Variants in NDUFAF7 observed in about 807,000 individuals in gnomAD.
The protein encoded by NDUFAF7 is protein arginine methyltransferase NDUFAF7, mitochondrial.
Under a neutral mutation model 47.2 loss-of-function variants are expected in NDUFAF7, and 48 were observed. The ratio of observed to expected loss-of-function variants is 1.02; its 90% confidence interval spans 0.81 to 1.29. The LOEUF (loss-of-function observed/expected upper bound fraction) is 1.29, where lower values mean the gene tolerates loss of function less well. Among genes scored for constraint, NDUFAF7 ranks in the 50% most tolerant of loss-of-function variants. The probability of loss-of-function intolerance (pLI) is 0.00; values close to 1 mark genes in which losing one functional copy is unlikely to be tolerated. For synonymous variants in NDUFAF7, 217 were observed against 190.0 expected (o/e 1.14, Z -1.17); for missense variants, 635 against 537.6 (o/e 1.18, Z -1.79).
chr2:37,235,313 A>G lies in NDUFAF7; in HGVS notation c.217-783A>G, dbSNP rs540683433. Among the ~76,000 whole-genome samples, 9 of 152,334 alleles carry G rather than the reference A, an allele frequency of 5.9e-5. No individual in the cohort carries two copies. The East Asian group carries it at 1.2e-3, about 20-fold the overall frequency. On this transcript the variant is annotated intron_variant, in intron 2 of 9. Coordinates refer to ENST00000002125, the MANE Select transcript of NDUFAF7 (RefSeq NM_144736.5). Reference sequence around the variant, plus strand: ...ATATAATATTCATATAGAAAAGTTCATAAACCACAAGTTTACAGCTCAATG... The same window carrying G: ...ATATAATATTCATATAGAAAAGTTCGTAAACCACAAGTTTACAGCTCAATG...
rs1349424864 is a variant in NDUFAF7 at position 37,243,968 on chromosome 2, A to C, written c.787A>C (p.Ile263Leu). ...TTCTGCCACCCCAGCAGAAGCCTTC[A>C]TACAAGTAAGAATATGCTTTTTTAA... ...APSATPAEAF[I>L]QHDETRDHVE... The change falls in exon 7 of 10, where the codon ATA (isoleucine) becomes CTA (leucine). Residue 263 changes from isoleucine (I) to leucine (L), a missense_variant. By Grantham distance (5) the Ile-to-Leu change is conservative (BLOSUM62 2). Coordinates refer to ENST00000002125, the MANE Select transcript of NDUFAF7 (RefSeq NM_144736.5). 1 of 1,607,700 alleles carries C rather than the reference A, an allele frequency of 6.2e-7. No homozygotes were observed. The highest frequency in any genetic ancestry group is 8.5e-7 in the Non-Finnish European group (1 of 1,174,430).
downstream of NDUFAF7, chr2:37,256,949 G>A (rs762897503): frequency 6.2e-7 from 1 of 1,613,248 alleles, no homozygotes; most frequent in South Asian, 1.1e-5. Context: ...GAAGGATGAT[G>A]TTAATTTTGT....
intron 2 of NDUFAF7, among the ~76,000 whole-genome samples, chr2:37,232,885 T>C (rs1220294333): frequency 6.6e-6 from 1 of 152,200 alleles, no homozygotes; most frequent in African/African-American, 2.4e-5. Context: ...TAGTCCTTTA[T>C]TTTAGAATAT....
At chr2:37,239,383 T>C in intron 4 of NDUFAF7, among the ~76,000 whole-genome samples, 1 of 152,160 alleles carries the variant, frequency 6.6e-6, no homozygotes, top group Non-Finnish European at 1.5e-5. Context: ...CCTCCCAGAG[T>C]GCTGGGATTA....
chr2:37,251,488 G>T (rs1667488799), downstream of NDUFAF7: 1 of 152,632 alleles, frequency 6.6e-6, no homozygotes, highest in Middle Eastern at 3.4e-3. Context: ...AAACATAAAA[G>T]AACTTAGAAC....
chr2:37,249,521 G>A (rs1487597540), downstream of NDUFAF7, among the ~76,000 whole-genome samples: 3 of 151,006 alleles, frequency 2.0e-5, no homozygotes, highest in East Asian at 1.9e-4. Flanking sequence ...AGGTTGCAGT[G>A]AGGGGAGATT....
At chr2:37,260,455 A>G in the NDUFAF7 span, 3 of 1,367,376 alleles carry the variant, frequency 2.2e-6, no homozygotes, top group Non-Finnish European at 1.0e-6. Context: ...TAGATGTGCT[A>G]TGATTGTCTG....
chr2:37,240,795 GTCAGACCTGT>G (rs1371383482), intron 4 of NDUFAF7, among the ~76,000 whole-genome samples: 2 of 152,150 alleles, frequency 1.3e-5, no homozygotes, highest in Non-Finnish European at 2.9e-5. Context: ...CCAGAGAAGT[GTCAGACCTGT>G]TTTATTTTTG....
At position 37,248,496 on chromosome 2, in the gene NDUFAF7, A is replaced by G. The variant is rs1667162768; in HGVS notation, c.*146A>G. The G allele has an allele frequency of 1.2e-6, 1 of 806,460 alleles. No homozygotes were observed. The highest frequency in any genetic ancestry group is 1.5e-5 in the South Asian group (1 of 68,448). The allele number at this position is 806,460 out of a possible 1,614,324, so 50.0% of individuals were successfully genotyped here. ...CCATGTTGTATATAATACAACCAAC[A>G]TTATAGAACTTTTAGGGTTGTGACT... On this transcript the variant is annotated 3_prime_UTR_variant, in exon 10 of 10. Transcript: ENST00000002125.
At position 37,236,077 on chromosome 2, in the gene NDUFAF7, A is replaced by G. The variant is rs2148395004; in HGVS notation, c.217-19A>G. 6 of 1,592,654 alleles carry G rather than the reference A, an allele frequency of 3.8e-6. No homozygotes were observed. Among genetic ancestry groups the G allele is most frequent in the Admixed American group, 1.7e-5 (1 of 59,898 alleles). The stretch of plus-strand genomic sequence containing the variant: ...ATTTGAAAATTAATTTTGTTTCTCT[A>G]TTTTCTCTTTTTACTCAGGGTTATT... On this transcript the variant is annotated intron_variant, in intron 2 of 9. Coordinates refer to ENST00000002125, the MANE Select transcript of NDUFAF7 (RefSeq NM_144736.5).
chr2:37,237,205 G>A (rs952714572), intron 3 of NDUFAF7, among the ~76,000 whole-genome samples: 1 of 152,100 alleles, frequency 6.6e-6, no homozygotes, highest in Non-Finnish European at 1.5e-5. Context: ...CCCGACCTCA[G>A]GTGGTCCACC....
the NDUFAF7 span, among the ~76,000 whole-genome samples, chr2:37,258,692 G>C: frequency 8.5e-4 from 130 of 152,130 alleles, 1 homozygote; most frequent in African/African-American, 2.9e-3. Context: ...AAAATGATAG[G>C]GAATCACTTT....
the NDUFAF7 span, among the ~76,000 whole-genome samples, chr2:37,270,287 AAAAAATT>A: frequency 6.6e-6 from 1 of 152,058 alleles, no homozygotes; most frequent in African/African-American, 2.4e-5. Context: ...ATCTACCTAA[AAAAAATT>A]AAAAATGAAA....
rs747186021 is a variant in NDUFAF7 at position 37,246,099 on chromosome 2, TATC to T, written c.844_846del (p.Ile282del). On this transcript the variant is annotated inframe_deletion, in exon 8 of 10. Coordinates refer to ENST00000002125, the MANE Select transcript of NDUFAF7 (RefSeq NM_144736.5). ...TTGAAGTGTGTCCTGATGCTGGTGT[TATC>T]ATCGAGGAACTTTCTCAACGCATTG... 6.2e-7 allele frequency: 1 copy of T among 1,613,970 alleles called. No individual in the cohort carries two copies. Among genetic ancestry groups the T allele is most frequent in the South Asian group, 1.1e-5 (1 of 91,082 alleles).
the NDUFAF7 span, chr2:37,260,198 TAAAAA>T: frequency 8.4e-7 from 1 of 1,185,910 alleles, no homozygotes. Context: ...ATCGCTAGTT[TAAAAA>T]AAAAAAGGAG....
the NDUFAF7 span, among the ~76,000 whole-genome samples, chr2:37,261,339 T>C: frequency 5.3e-5 from 8 of 151,570 alleles, no homozygotes; most frequent in African/African-American, 1.7e-4. Flanking sequence ...ATACAAAAAC[T>C]AACCAGGTGT....
At chr2:37,240,580 T>A (rs890493055) in intron 4 of NDUFAF7, among the ~76,000 whole-genome samples, 1 of 152,072 alleles carries the variant, frequency 6.6e-6, no homozygotes, top group Non-Finnish European at 1.5e-5. Flanking sequence ...AATCACGAAT[T>A]TAAATTTCCA....
chr2:37,259,086 CAG>C, the NDUFAF7 span, among the ~76,000 whole-genome samples: 1 of 151,376 alleles, frequency 6.6e-6, no homozygotes, highest in Non-Finnish European at 1.5e-5. Flanking sequence ...TAAGAAAAAT[CAG>C]AGAGTGCTAC....
intron 7 of NDUFAF7, among the ~76,000 whole-genome samples, chr2:37,244,729 A>C (rs1239169843): frequency 6.6e-6 from 1 of 152,176 alleles, no homozygotes; most frequent in African/African-American, 2.4e-5. Flanking sequence ...AAGAGCTTTT[A>C]AACTTAAATG....
Sources: gnomAD v4.1 joint callset for allele counts (sites outside exome capture counted in the v4.1 genomes callset) on GRCh38, gnomAD v4.1.1 for gene constraint, MANE v1.5 for transcripts, NCBI Gene and HGNC (gene_info 2026-07-23, HGNC 2026-07-21) for gene names.